NME7: variants seen among roughly 807,000 people sequenced by gnomAD.
NME7 encodes nucleoside diphosphate kinase 7.
In NME7, 41 loss-of-function variants were observed where a neutral mutation model predicts 49.1. The observed-to-expected ratio is 0.83, with a 90% CI of 0.65 to 1.08. NME7 has a LOEUF of 1.08. Among genes scored for constraint, NME7 ranks in the 50% least tolerant of loss-of-function variants. The pLI is 0.00. For missense variants in NME7, 423 were observed against 463.4 expected (o/e 0.91, Z 0.80); for synonymous variants, 139 against 150.6 (o/e 0.92, Z 0.56).
chr1:169,210,641 C>T (rs1395530040), intron 10 of NME7, among the ~76,000 whole-genome samples: 4 of 151,924 alleles, frequency 2.6e-5, no homozygotes, highest in African/African-American at 2.4e-5. Flanking sequence ...ACTGTAAATG[C>T]AATGTGCCAA....
At chr1:169,233,076 A>G (rs2101822639) in intron 9 of NME7, among the ~76,000 whole-genome samples, 1 of 149,836 alleles carries the variant, frequency 6.7e-6, no homozygotes, top group African/African-American at 2.4e-5. Flanking sequence ...CCACCACCAC[A>G]TCTAGCTAAT....
At chr1:169,346,420 C>T (rs766627207) in intron 1 of NME7, among the ~76,000 whole-genome samples, 14 of 152,164 alleles carry the variant, frequency 9.2e-5, no homozygotes, top group Admixed American at 5.9e-4. Context: ...AGTCTGTCCG[C>T]TGACTGTCTT....
At chr1:169,208,203 C>T (rs1224130914) in intron 10 of NME7, among the ~76,000 whole-genome samples, 1 of 152,056 alleles carries the variant, frequency 6.6e-6, no homozygotes, top group African/African-American at 2.4e-5. Context: ...AATTATAAGA[C>T]TTTATTGCAA....
chr1:169,343,747 G>A (rs150077311), intron 1 of NME7, among the ~76,000 whole-genome samples: 2,553 of 152,022 alleles, frequency 0.017, 40 homozygotes, highest in Middle Eastern at 0.034. Flanking sequence ...CTCCTGCCTC[G>A]GCCTCCCAAA....
At chr1:169,323,835 C>CTTTT (rs33970981) in intron 2 of NME7, among the ~76,000 whole-genome samples, 2 of 84,258 alleles carry the variant, frequency 2.4e-5, no homozygotes, top group African/African-American at 4.7e-5. Context: ...CCATTTCAGT[C>CTTTT]TTTTTTTTTT....
intron 11 of NME7, among the ~76,000 whole-genome samples, chr1:169,164,507 C>T (rs952642575): frequency 1.3e-5 from 2 of 152,142 alleles, no homozygotes; most frequent in Admixed American, 1.3e-4. Flanking sequence ...CTTCGTTTTA[C>T]AGAGTGAGGA....
intron 3 of NME7, among the ~76,000 whole-genome samples, chr1:169,313,012 A>G (rs909924425): frequency 6.6e-6 from 1 of 152,180 alleles, no homozygotes; most frequent in Non-Finnish European, 1.5e-5. Flanking sequence ...CCCCATGGAT[A>G]AAGGAAAACT....
chr1:169,279,569 G>A lies in NME7; in HGVS notation c.754+7734C>T, dbSNP rs554040350. The stretch of plus-strand genomic sequence containing the variant: ...CACAGTATTTGGGTGGGAGTGACCC[G>A]ATTTTCCAGGTGCCGTCTGTCACCC... On this transcript the variant is annotated intron_variant, in intron 7 of 11. Coordinates refer to ENST00000367811, the MANE Select transcript of NME7 (RefSeq NM_013330.5). 1.1e-4 allele frequency among the ~76,000 whole-genome samples: 16 copies of A among 152,294 alleles called. No individual in the cohort carries two copies. The South Asian group carries it at 2.7e-3, about 26-fold the overall frequency.
At chr1:169,242,516 G>T (rs1218892846) in intron 7 of NME7, among the ~76,000 whole-genome samples, 1 of 151,684 alleles carries the variant, frequency 6.6e-6, no homozygotes, top group Non-Finnish European at 1.5e-5. Flanking sequence ...AGTAAACAAG[G>T]CAAGAATGTC....
intron 1 of NME7, among the ~76,000 whole-genome samples, chr1:169,326,019 T>A (rs915530684): frequency 6.6e-6 from 1 of 151,984 alleles, no homozygotes; most frequent in African/African-American, 2.4e-5. Context: ...TAGTAGATTA[T>A]TAAAATTTTT....
chr1:169,218,108 T>C (rs961046715), intron 10 of NME7, among the ~76,000 whole-genome samples: 2 of 152,338 alleles, frequency 1.3e-5, no homozygotes, highest in East Asian at 1.9e-4. Flanking sequence ...TGCTAAATTC[T>C]CTTTCCCCAG....
intron 7 of NME7, among the ~76,000 whole-genome samples, chr1:169,244,355 A>G (rs10919108): frequency 0.38 from 57,351 of 152,096 alleles, 11,534 homozygotes; most frequent in East Asian, 0.79. Flanking sequence ...GTTGTTGGCC[A>G]GGTGCGGTGG....
Position 169,261,668 on chromosome 1 carries a change from G to A in NME7, c.755-23981C>T, listed in dbSNP as rs1168061038. On this transcript the variant is annotated intron_variant, in intron 7 of 11. Transcript: ENST00000367811. ...TTTTATAAGGCTTGACTCTGATGATGGCAGATTACTAAAGGAAATGCAAGA... is the reference window on the plus strand; with the variant it reads ...TTTTATAAGGCTTGACTCTGATGATAGCAGATTACTAAAGGAAATGCAAGA... Among the ~76,000 whole-genome samples the A allele has an allele frequency of 2.2e-5, 3 of 133,378 alleles. 1 individual carries two copies. Among genetic ancestry groups the A allele is most frequent in the Admixed American group, 2.2e-4 (3 of 13,566 alleles). The allele number at this position is 133,378 out of a possible 152,430, so 87.5% of individuals were successfully genotyped here. A position where few individuals can be genotyped will look rare whatever the true frequency, so the allele number is the denominator to read the frequency against.
chr1:169,243,720 G>A (rs1355059126), intron 7 of NME7, among the ~76,000 whole-genome samples: 1 of 152,172 alleles, frequency 6.6e-6, no homozygotes. Context: ...TGCAGGACCT[G>A]ATCTTGGACT....
intron 7 of NME7, among the ~76,000 whole-genome samples, chr1:169,250,850 T>C (rs893173495): frequency 6.6e-6 from 1 of 152,114 alleles, no homozygotes; most frequent in Admixed American, 6.6e-5. Flanking sequence ...CCTGATAACA[T>C]TTCGATTTTT....
intron 3 of NME7, among the ~76,000 whole-genome samples, chr1:169,315,074 T>C (rs4562680): frequency 0.083 from 12,596 of 151,772 alleles, 712 homozygotes; most frequent in Admixed American, 0.19. Context: ...CAAGAAGAAA[T>C]AGACAAATGA....
chr1:169,359,554 T>C (rs1357652534), intron 1 of NME7, among the ~76,000 whole-genome samples: 1 of 151,294 alleles, frequency 6.6e-6, no homozygotes, highest in African/African-American at 2.4e-5. Flanking sequence ...GGCAGTGTTA[T>C]TATAGATAAA....
chr1:169,176,175 A>G (rs1385847809), intron 10 of NME7, among the ~76,000 whole-genome samples: 1 of 152,124 alleles, frequency 6.6e-6, no homozygotes, highest in Non-Finnish European at 1.5e-5. Flanking sequence ...TCAAACTAAA[A>G]TGAGATAATG....
intron 11 of NME7, among the ~76,000 whole-genome samples, chr1:169,148,127 T>C (rs759624710): frequency 5.3e-5 from 8 of 152,096 alleles, no homozygotes; most frequent in Non-Finnish European, 1.2e-4. Context: ...CTCAGCCTCC[T>C]GAGTAACTGG....
Sources: allele counts gnomAD v4.1 joint callset (sites outside exome capture counted in the v4.1 genomes callset), GRCh38; gene constraint gnomAD v4.1.1; transcripts MANE v1.5; gene names NCBI Gene and HGNC (gene_info 2026-07-23, HGNC 2026-07-21).